Variants in PSME4 observed in about 807,000 individuals in gnomAD.
PSME4 encodes the protein proteasome activator subunit 4, also known as proteasome activator complex subunit 4.
PSME4 carries 89 observed loss-of-function variants against 253.9 expected under a neutral mutation model. That is an observed-to-expected ratio of 0.35 (90% CI 0.30 to 0.42). The LOEUF is 0.42. PSME4 is among the 10% of genes least tolerant of loss of function. PSME4 has a pLI of 1.00. For missense variants in PSME4, 2,014 were observed against 2,195.2 expected (o/e 0.92, Z 1.65); for synonymous variants, 851 against 759.2 (o/e 1.12, Z -1.99).
intron 1 of PSME4, among the ~76,000 whole-genome samples, chr2:53,968,375 AGT>A (rs1404845381): frequency 6.6e-6 from 1 of 152,134 alleles, no homozygotes; most frequent in Non-Finnish European, 1.5e-5. Flanking sequence ...TCTCAGAGCT[AGT>A]GGGAGAAACT....
At position 53,928,174 on chromosome 2, in the gene PSME4, T is replaced by C. The variant is rs769688207; in HGVS notation, c.1446A>G (p.Leu482=). 7 of 1,614,032 alleles carry C rather than the reference T, an allele frequency of 4.3e-6. No homozygotes were observed. In the East Asian group the frequency reaches 1.1e-4, roughly 26 times the overall value. ...CAGGCAATGCTCTCATCAACAGAGG[T>C]AGCATATGTGTAGGACCTTCAGGAA... The part of the protein sequence containing the change: ...RWFPEGPTHM[L]PLLMRALPGV... The change falls in exon 11 of 47, where the codon CTA becomes CTG. Residue 482 remains leucine (L), a synonymous_variant. Transcript: ENST00000404125.
intron 14 of PSME4, among the ~76,000 whole-genome samples, chr2:53,924,606 TA>T (rs1467871205): frequency 2.0e-5 from 3 of 152,340 alleles, no homozygotes; most frequent in African/African-American, 7.2e-5. Flanking sequence ...ATTGTAAAAT[TA>T]AAAAATACAG....
At chr2:53,940,983 A>AATACATATT (rs1669420249) in intron 3 of PSME4, among the ~76,000 whole-genome samples, 1 of 79,410 alleles carries the variant, frequency 1.3e-5, no homozygotes, top group Non-Finnish European at 2.9e-5. Context: ...ATATATATAT[A>AATACATATT]TATATATATA....
intron 1 of PSME4, among the ~76,000 whole-genome samples, chr2:53,967,676 A>C (rs1670807838): frequency 3.4e-5 from 5 of 148,926 alleles, no homozygotes; most frequent in Non-Finnish European, 5.9e-5. Flanking sequence ...AAAAAAAAAA[A>C]AAAGTCAAAA....
At chr2:53,898,429 T>G (rs767417798) in intron 29 of PSME4, 75 bp from the exon 30 acceptor site, 17 of 1,213,766 alleles carry the variant, frequency 1.4e-5, no homozygotes, top group Admixed American at 1.2e-4. Context: ...AAATTCAAAT[T>G]CTAGCCAATT....
At chr2:53,869,345 G>A in intron 44 of PSME4, 31 bp downstream of exon 44, 5 of 1,568,454 alleles carry the variant, frequency 3.2e-6, no homozygotes, top group South Asian at 1.2e-5. Flanking sequence ...ATTCCCAATA[G>A]GATACAGGTG....
intron 41 of PSME4, among the ~76,000 whole-genome samples, chr2:53,884,831 G>A (rs1055506380): frequency 6.6e-6 from 1 of 152,122 alleles, no homozygotes; most frequent in African/African-American, 2.4e-5. Flanking sequence ...ACATTCATGG[G>A]TATCATCCTT....
At chr2:53,954,599 G>A (rs918847251) in intron 1 of PSME4, among the ~76,000 whole-genome samples, 8 of 152,152 alleles carry the variant, frequency 5.3e-5, no homozygotes, top group African/African-American at 1.9e-4. Context: ...AGCACTTTGG[G>A]AGGCCGAGGC....
At chr2:53,901,705 A>G (rs1193403310) in intron 27 of PSME4, 146 bp from the exon 28 acceptor site, 6 of 570,344 alleles carry the variant, frequency 1.1e-5, no homozygotes, top group Non-Finnish European at 1.7e-5. Flanking sequence ...CACACATTTA[A>G]CATGTTACTT....
At chr2:53,883,937 T>C (rs944024595) in intron 41 of PSME4, among the ~76,000 whole-genome samples, 1 of 152,190 alleles carries the variant, frequency 6.6e-6, no homozygotes, top group Non-Finnish European at 1.5e-5. Context: ...ATAAGTCTTA[T>C]AAGCATCTGA....
intron 20 of PSME4, among the ~76,000 whole-genome samples, chr2:53,918,025 G>A (rs1321899522): frequency 6.6e-6 from 1 of 152,122 alleles, no homozygotes; most frequent in Non-Finnish European, 1.5e-5. Flanking sequence ...CCTAAGAACA[G>A]TTTTTGGAGT....
chr2:53,897,879 T>A lies in PSME4; in HGVS notation c.3597A>T (p.Val1199=). The change falls in exon 31 of 47, where the codon GTA becomes GTT. Residue 1199 remains valine (V), a synonymous_variant. Coordinates refer to ENST00000404125, the MANE Select transcript of PSME4 (RefSeq NM_014614.3). ...FVENLNHDAI[V]VRKMAISAVA... ...AAAACAAGGTATGTACCTTTCGAAC[T>A]ACAATTGCATCATGGTTGAGATTCT... is the stretch of plus-strand genomic sequence containing the variant. The A allele has an allele frequency of 6.2e-7, 1 of 1,613,728 alleles. No individual in the cohort carries two copies. Among genetic ancestry groups the A allele is most frequent in the Non-Finnish European group, 8.5e-7 (1 of 1,179,704 alleles).
At chr2:53,911,985 T>C (rs1020828153) in intron 20 of PSME4, among the ~76,000 whole-genome samples, 3 of 152,224 alleles carry the variant, frequency 2.0e-5, no homozygotes, top group African/African-American at 7.2e-5. Context: ...TAATCATTTA[T>C]GCTGACTACT....
intron 2 of PSME4, 103 bp downstream of exon 2, chr2:53,949,040 C>A: frequency 1.5e-6 from 2 of 1,374,052 alleles, no homozygotes; most frequent in Non-Finnish European, 1.9e-6. Context: ...TCCAAATTGG[C>A]AATTTGAGAC....
At chr2:53,954,712 G>T (rs889074840) in intron 1 of PSME4, among the ~76,000 whole-genome samples, 2 of 151,978 alleles carry the variant, frequency 1.3e-5, no homozygotes, top group South Asian at 4.2e-4. Context: ...GTAGTGGCAG[G>T]CGTCTGTAGT....
intron 20 of PSME4, among the ~76,000 whole-genome samples, chr2:53,912,714 C>T (rs1386323412): frequency 6.6e-6 from 1 of 152,194 alleles, no homozygotes; most frequent in Non-Finnish European, 1.5e-5. Context: ...AATCCTCCTA[C>T]CTCCACCTCC....
chr2:53,866,550 C>T (rs1678574099), intron 45 of PSME4, among the ~76,000 whole-genome samples, 197 bp downstream of exon 45: 1 of 152,240 alleles, frequency 6.6e-6, no homozygotes, highest in South Asian at 2.1e-4. Flanking sequence ...AATTTCCTCA[C>T]TACCAAAAGA....
intron 1 of PSME4, among the ~76,000 whole-genome samples, chr2:53,956,505 G>A (rs1195164829): frequency 6.6e-6 from 1 of 151,802 alleles, no homozygotes; most frequent in African/African-American, 2.4e-5. Context: ...ACTCCAGCCT[G>A]GGTGACAAGA....
At chr2:53,889,530 G>A (rs1679801919) in intron 37 of PSME4, among the ~76,000 whole-genome samples, 1 of 152,036 alleles carries the variant, frequency 6.6e-6, no homozygotes, top group Non-Finnish European at 1.5e-5. Flanking sequence ...CCACAGATGT[G>A]GAACTCATGG....
Sources: gnomAD v4.1 joint callset for allele counts (sites outside exome capture counted in the v4.1 genomes callset) on GRCh38, gnomAD v4.1.1 for gene constraint, MANE v1.5 for transcripts, NCBI Gene and HGNC (gene_info 2026-07-23, HGNC 2026-07-21) for gene names.